KCNMA1: variants seen among roughly 807,000 people sequenced by gnomAD.
The protein encoded by KCNMA1 is potassium calcium-activated channel subfamily M alpha 1, also known as Calcium-activated potassium channel subunit alpha-1.
A neutral mutation model predicts 140.0 loss-of-function variants in KCNMA1; 29 were observed. That is an observed-to-expected ratio of 0.21 (90% CI 0.15 to 0.28). The LOEUF (loss-of-function observed/expected upper bound fraction) is 0.28, where lower values mean the gene tolerates loss of function less well. KCNMA1 is among the 10% of genes least tolerant of loss of function. The pLI is 1.00. For synonymous variants in KCNMA1, 612 were observed against 611.9 expected (o/e 1.00, Z 0.00); for missense variants, 880 against 1,602.2 (o/e 0.55, Z 7.70).
chr10:77,506,983 C>G (rs1486385841), intron 1 of KCNMA1, among the ~76,000 whole-genome samples: 1 of 152,056 alleles, frequency 6.6e-6, no homozygotes, highest in Non-Finnish European at 1.5e-5. Flanking sequence ...GTTTGAAGCC[C>G]CTCCAGCCGC....
intron 1 of KCNMA1, among the ~76,000 whole-genome samples, chr10:77,445,109 C>T (rs1461939555): frequency 2.0e-5 from 3 of 152,050 alleles, no homozygotes; most frequent in Non-Finnish European, 4.4e-5. Context: ...CACCCAGCAG[C>T]GTTTAGAGAT....
chr10:77,274,368 A>G (rs2066019683), intron 2 of KCNMA1, among the ~76,000 whole-genome samples: 1 of 152,074 alleles, frequency 6.6e-6, no homozygotes. Context: ...TGCCCCCACA[A>G]TGTTCTTCCT....
Position 77,210,137 on chromosome 10 carries a change from C to T in KCNMA1, c.603-25221G>A, listed in dbSNP as rs139532602. Among the ~76,000 whole-genome samples, 357 of 152,208 alleles carry T rather than the reference C, an allele frequency of 2.3e-3. 4 individuals carry two copies. The highest frequency in any genetic ancestry group is 8.4e-3 in the African/African-American group (349 of 41,542). ...AAAGAAAAACATTAGGCCAATATCC[C>T]TGATGAACATAGATGCAAAAATCCT... On this transcript the variant is annotated intron_variant, in intron 3 of 27. Transcript: ENST00000286628.
intron 1 of KCNMA1, among the ~76,000 whole-genome samples, chr10:77,471,622 A>G (rs2098154389): frequency 6.7e-6 from 1 of 150,124 alleles, no homozygotes; most frequent in Admixed American, 6.7e-5. Context: ...ATACATATAC[A>G]TACATAATAC....
At chr10:77,321,751 C>T (rs917007994) in intron 2 of KCNMA1, among the ~76,000 whole-genome samples, 1 of 151,484 alleles carries the variant, frequency 6.6e-6, no homozygotes, top group African/African-American at 2.4e-5. Context: ...TTGTGTTTTT[C>T]TTCTGAGACT....
intron 23 of KCNMA1, among the ~76,000 whole-genome samples, chr10:76,917,372 C>T (rs533848829): frequency 1.3e-5 from 2 of 152,106 alleles, no homozygotes; most frequent in East Asian, 1.9e-4. Context: ...GCAGGTCACA[C>T]GGTATTAGGA....
At chr10:77,015,357 C>T (rs2091817294) in intron 17 of KCNMA1, among the ~76,000 whole-genome samples, 1 of 152,106 alleles carries the variant, frequency 6.6e-6, no homozygotes, top group African/African-American at 2.4e-5. Flanking sequence ...CTTGACCCCA[C>T]AGATCTAGGG....
intron 10 of KCNMA1, 46 bp from the exon 11 acceptor site, chr10:77,086,639 G>T: frequency 1.4e-6 from 2 of 1,383,792 alleles, no homozygotes; most frequent in Non-Finnish European, 2.1e-6. Flanking sequence ...TGGACTCGGG[G>T]GTTTCAGCCT....
chr10:77,277,111 C>T (rs985977490), intron 2 of KCNMA1, among the ~76,000 whole-genome samples: 1 of 152,080 alleles, frequency 6.6e-6, no homozygotes, highest in African/African-American at 2.4e-5. Context: ...AGCAAGTGGT[C>T]GTTGCCTTAA....
At chr10:77,157,384 ATTTAC>A (rs2098500506) in intron 5 of KCNMA1, among the ~76,000 whole-genome samples, 2 of 152,256 alleles carry the variant, frequency 1.3e-5, no homozygotes, top group South Asian at 4.1e-4. Context: ...TGTCTAACTT[ATTTAC>A]TTATCTACTG....
intron 2 of KCNMA1, among the ~76,000 whole-genome samples, chr10:77,307,817 G>C (rs188321061): frequency 1.3e-5 from 2 of 152,152 alleles, no homozygotes; most frequent in Non-Finnish European, 2.9e-5. Flanking sequence ...CCAAAGGGCT[G>C]GGATTACAGG....
intron 2 of KCNMA1, among the ~76,000 whole-genome samples, chr10:77,285,604 C>A (rs1331987234): frequency 2.6e-5 from 4 of 152,092 alleles, no homozygotes; most frequent in Admixed American, 6.6e-5. Flanking sequence ...TTTTCCCCCA[C>A]CATAAACTCA....
At chr10:77,516,916 T>A (rs1399589042) in intron 1 of KCNMA1, among the ~76,000 whole-genome samples, 1 of 151,200 alleles carries the variant, frequency 6.6e-6, no homozygotes, top group Non-Finnish European at 1.5e-5. Flanking sequence ...CAAATGTGCA[T>A]CACTGGGGAA....
intron 2 of KCNMA1, among the ~76,000 whole-genome samples, chr10:77,382,994 G>GTGTGTGTGTGTATATATA (rs1491457588): frequency 6.5e-5 from 3 of 46,424 alleles, no homozygotes; most frequent in East Asian, 4.6e-4. Flanking sequence ...GTGTGTGTGT[G>GTGTGTGTGTGTATATATA]TATATATATA....
intron 20 of KCNMA1, among the ~76,000 whole-genome samples, chr10:76,967,712 G>C (rs1204448002): frequency 2.0e-5 from 3 of 152,152 alleles, no homozygotes; most frequent in Non-Finnish European, 4.4e-5. Context: ...GGGCTGGTGG[G>C]ATAAGACATC....
chr10:77,463,342 G>T (rs1184490543), intron 1 of KCNMA1, among the ~76,000 whole-genome samples: 1 of 152,164 alleles, frequency 6.6e-6, no homozygotes, highest in Non-Finnish European at 1.5e-5. Context: ...ACCCTATCTG[G>T]ACCTCAGTGT....
chr10:77,455,888 C>G lies in KCNMA1; in HGVS notation c.379-51865G>C, dbSNP rs537813674. 4.1e-3 allele frequency among the ~76,000 whole-genome samples: 622 copies of G among 152,322 alleles called. 9 individuals carry two copies. The highest frequency in any genetic ancestry group is 6.6e-3 in the Non-Finnish European group (447 of 68,016). On this transcript the variant is annotated intron_variant, in intron 1 of 27. Transcript: ENST00000286628. ...TTCAGCTCTTAGTCCTCAGAGCTTT[C>G]AGTCCAAGGAAGCACTATTTCCTCT...
intron 3 of KCNMA1, among the ~76,000 whole-genome samples, chr10:77,235,412 C>T (rs971741577): frequency 8.5e-5 from 13 of 152,066 alleles, no homozygotes; most frequent in Admixed American, 2.0e-4. Flanking sequence ...AAAGTTGTCA[C>T]GGGCACACAG....
chr10:77,601,460 G>T (rs1367378570), intron 1 of KCNMA1, among the ~76,000 whole-genome samples: 1 of 152,136 alleles, frequency 6.6e-6, no homozygotes, highest in Non-Finnish European at 1.5e-5. Flanking sequence ...ATAAGATTCC[G>T]CCAATCAAGC....
Sources: gnomAD v4.1 joint callset for allele counts (sites outside exome capture counted in the v4.1 genomes callset) on GRCh38, gnomAD v4.1.1 for gene constraint, MANE v1.5 for transcripts, NCBI Gene and HGNC (gene_info 2026-07-23, HGNC 2026-07-21) for gene names.